Variants in TTLL11 observed in about 807,000 individuals in gnomAD.
The protein encoded by TTLL11 is tubulin tyrosine ligase like 11.
In TTLL11, 42 loss-of-function variants were observed where a neutral mutation model predicts 51.7. That is an observed-to-expected ratio of 0.81 (90% confidence interval 0.64 to 1.05). The LOEUF (loss-of-function observed/expected upper bound fraction) is 1.05, where lower values mean the gene tolerates loss of function less well. TTLL11 is among the 50% of genes least tolerant of loss of function. The pLI, the probability that TTLL11 is intolerant of heterozygous loss-of-function variation, is 0.00. For synonymous variants in TTLL11, 381 were observed against 383.5 expected, an observed-to-expected ratio of 0.99 and a Z score of 0.08; for missense variants, 799 against 940.4, an observed-to-expected ratio of 0.85 and a Z score of 1.97.
At position 121,956,459 on chromosome 9, in the gene TTLL11, T is replaced by C. The variant is rs1842017993; in HGVS notation, c.1481+17550A>G. Among the ~76,000 whole-genome samples the C allele has an allele frequency of 2.6e-5, 4 of 152,210 alleles. No homozygotes were observed. In the South Asian group the frequency reaches 8.3e-4, roughly 32 times the overall value. On this transcript the variant is annotated intron_variant, in intron 6 of 8. Coordinates refer to ENST00000321582, the MANE Select transcript of TTLL11 (RefSeq NM_001139442.2). ...TCTTCAGTTCTGTGGTCACAAGCAA[T>C]ATATGTGACACCTACGAGTAGAGTT... is the stretch of plus-strand genomic sequence containing the variant.
rs1175627250 is a variant in TTLL11 at position 121,821,384 on chromosome 9, C to T, written c.*1203G>A. Among the ~76,000 whole-genome samples, 1 of 152,148 alleles carries T rather than the reference C, an allele frequency of 6.6e-6. No homozygotes were observed. Among genetic ancestry groups the T allele is most frequent in the African/African-American group, 2.4e-5 (1 of 41,438 alleles). ...GCGCCTCAAATACTTTCCTGCACCTCGCTTGGAGCACGATGACTGACTCTT... is the reference window on the plus strand; with the variant it reads ...GCGCCTCAAATACTTTCCTGCACCTTGCTTGGAGCACGATGACTGACTCTT... On this transcript the variant is annotated 3_prime_UTR_variant, in exon 9 of 9. Transcript: ENST00000321582. The surrounding 1 kb of genome is among the most constrained non-coding windows in gnomAD (Gnocchi z 5.0).
chr9:122,090,136 C>A (rs573790968), intron 1 of TTLL11, among the ~76,000 whole-genome samples: 1 of 139,524 alleles, frequency 7.2e-6, no homozygotes, highest in South Asian at 2.3e-4. Context: ...TACCATTATG[C>A]GGCTACCGAA....
At chr9:121,951,993 C>T (rs181134963) in intron 6 of TTLL11, among the ~76,000 whole-genome samples, 11 of 152,270 alleles carry the variant, frequency 7.2e-5, no homozygotes, top group Non-Finnish European at 1.3e-4. Context: ...TCACTCTTGT[C>T]GCCATCTTGG....
chr9:122,026,597 A>G (rs1249119407), intron 3 of TTLL11, among the ~76,000 whole-genome samples: 1 of 152,188 alleles, frequency 6.6e-6, no homozygotes, highest in Non-Finnish European at 1.5e-5. Context: ...AAATATCTGT[A>G]GTTTATTCTA....
chr9:122,043,857 T>C (rs550165387), intron 1 of TTLL11, among the ~76,000 whole-genome samples: 6 of 152,026 alleles, frequency 3.9e-5, no homozygotes, highest in Admixed American at 1.3e-4. Flanking sequence ...TTTCTTTTCT[T>C]TTTTTATTTT....
Position 122,047,982 on chromosome 9 carries a change from G to C in TTLL11, c.463-8614C>G, listed in dbSNP as rs538289459. ...CTCCTCAACATCCACTGGGCAGCAAGCCCTCTGGCTGATCTCTTAGCTTAT... is the reference window on the plus strand; with the variant it reads ...CTCCTCAACATCCACTGGGCAGCAACCCCTCTGGCTGATCTCTTAGCTTAT... On this transcript the variant is annotated intron_variant, in intron 1 of 8. Coordinates refer to ENST00000321582, the MANE Select transcript of TTLL11 (RefSeq NM_001139442.2). Among the ~76,000 whole-genome samples the C allele has an allele frequency of 1.8e-3, 273 of 152,098 alleles. 1 individual carries two copies. The highest frequency in any genetic ancestry group is 6.4e-3 in the African/African-American group (267 of 41,494).
At chr9:121,999,478 A>G (rs889445695) in intron 3 of TTLL11, among the ~76,000 whole-genome samples, 1 of 152,108 alleles carries the variant, frequency 6.6e-6, no homozygotes, top group African/African-American at 2.4e-5. Context: ...ACCTTCTCCC[A>G]CATCACTCAC....
intron 3 of TTLL11, among the ~76,000 whole-genome samples, chr9:122,001,076 T>C (rs543552020): frequency 1.5e-4 from 23 of 152,300 alleles, no homozygotes; most frequent in African/African-American, 5.3e-4. Context: ...TGTTTGTGTG[T>C]ATGTGTGTGC....
At chr9:122,065,332 T>C (rs1256384754) in intron 1 of TTLL11, among the ~76,000 whole-genome samples, 1 of 152,184 alleles carries the variant, frequency 6.6e-6, no homozygotes, top group Non-Finnish European at 1.5e-5. Flanking sequence ...TAAAAACCTC[T>C]GGAGGTCAAT....
intron 6 of TTLL11, among the ~76,000 whole-genome samples, chr9:121,883,646 T>C (rs1838884490): frequency 6.6e-6 from 1 of 152,240 alleles, no homozygotes; most frequent in African/African-American, 2.4e-5. Flanking sequence ...CATAGAGTTG[T>C]TGTCAAAATC....
At chr9:121,892,765 T>C (rs1197417847) in intron 6 of TTLL11, among the ~76,000 whole-genome samples, 1 of 152,196 alleles carries the variant, frequency 6.6e-6, no homozygotes, top group African/African-American at 2.4e-5. Context: ...CCCTGGAAAA[T>C]ACCTCTGCCT....
intron 1 of TTLL11, among the ~76,000 whole-genome samples, chr9:122,064,481 T>C (rs1200225264): frequency 6.6e-6 from 1 of 152,226 alleles, no homozygotes; most frequent in Non-Finnish European, 1.5e-5. Flanking sequence ...ATGTCTACTG[T>C]ATATTGGTTG....
At chr9:121,947,113 TC>T (rs1423068802) in intron 6 of TTLL11, among the ~76,000 whole-genome samples, 1 of 152,150 alleles carries the variant, frequency 6.6e-6, no homozygotes, top group African/African-American at 2.4e-5. Flanking sequence ...AACAACCACG[TC>T]CTTTCCACAG....
chr9:121,861,880 C>T (rs1488913217), intron 7 of TTLL11, among the ~76,000 whole-genome samples: 1 of 152,192 alleles, frequency 6.6e-6, no homozygotes, highest in Non-Finnish European at 1.5e-5. Context: ...TCTACATAAG[C>T]CCTGAATCAG....
intron 1 of TTLL11, among the ~76,000 whole-genome samples, chr9:122,061,673 C>T (rs571547089): frequency 4.1e-4 from 62 of 151,828 alleles, no homozygotes; most frequent in African/African-American, 9.2e-4. Context: ...AGTCTCACTC[C>T]GTCGCCCAGG....
intron 1 of TTLL11, among the ~76,000 whole-genome samples, chr9:122,068,936 G>A (rs1180911928): frequency 1.3e-5 from 2 of 152,174 alleles, no homozygotes; most frequent in Non-Finnish European, 2.9e-5. Flanking sequence ...TGTGGGTGAT[G>A]CAGAGACCCC....
chr9:121,917,553 A>AAGAAAGAAAGAAAG (rs1181585585), intron 6 of TTLL11, among the ~76,000 whole-genome samples: 5 of 144,900 alleles, frequency 3.5e-5, no homozygotes, highest in African/African-American at 1.3e-4. Context: ...AAGAAAAAGA[A>AAGAAAGAAAGAAAG]AAAGAAAGAA....
At chr9:121,897,923 C>CTTTTTTTTTTTTT (rs113818323) in intron 6 of TTLL11, among the ~76,000 whole-genome samples, 7 of 143,140 alleles carry the variant, frequency 4.9e-5, no homozygotes, top group African/African-American at 1.6e-4. Flanking sequence ...TTCTTCTATT[C>CTTTTTTTTTTTTT]TTTTTTTTTT....
At chr9:121,936,264 TC>T (rs11298864) in intron 6 of TTLL11, among the ~76,000 whole-genome samples, 38,333 of 149,884 alleles carry the variant, frequency 0.26, 5,341 homozygotes, top group African/African-American at 0.39. Context: ...TTTCTTTCTT[TC>T]TTTTTTTTTT....
Sources: allele counts gnomAD v4.1 joint callset (sites outside exome capture counted in the v4.1 genomes callset), GRCh38; gene constraint gnomAD v4.1.1; non-coding constraint Gnocchi (gnomAD v3.1); transcripts MANE v1.5; gene names NCBI Gene and HGNC (gene_info 2026-07-23, HGNC 2026-07-21).